The following KAZN variants were observed in gnomAD, a reference collection of about 807,000 sequenced individuals.
KAZN encodes kazrin.
A neutral mutation model predicts 87.4 loss-of-function variants in KAZN; 40 were observed. The observed-to-expected ratio is 0.46, with a 90% confidence interval of 0.36 to 0.60. The LOEUF is 0.60. Ranked by LOEUF, KAZN falls within the 20% of genes least tolerant of loss-of-function variation. KAZN has a pLI of 0.00. For missense variants in KAZN, 898 were observed against 1,073.9 expected (o/e 0.84, Z 2.29); for synonymous variants, 466 against 458.3 (o/e 1.02, Z -0.22).
intron 2 of KAZN, among the ~76,000 whole-genome samples, chr1:14,464,043 A>T (rs971868201): frequency 2.6e-5 from 4 of 152,200 alleles, no homozygotes; most frequent in Non-Finnish European, 5.9e-5. Flanking sequence ...TTCTGTCTTG[A>T]CCAAGTAGTG....
intron 1 of KAZN, among the ~76,000 whole-genome samples, chr1:13,996,214 G>T (rs1267870993): frequency 6.6e-6 from 1 of 152,162 alleles, no homozygotes; most frequent in Admixed American, 6.5e-5. Flanking sequence ...TCACAGATCG[G>T]AAGATCCCAC....
intron 2 of KAZN, among the ~76,000 whole-genome samples, chr1:14,977,591 G>A (rs10803331): frequency 0.37 from 56,355 of 152,198 alleles, 11,988 homozygotes; most frequent in African/African-American, 0.59. Flanking sequence ...TGTGCCTGCC[G>A]AGGTTGGCAA....
chr1:13,980,288 T>C (rs1272041753), intron 1 of KAZN, among the ~76,000 whole-genome samples: 1 of 152,148 alleles, frequency 6.6e-6, no homozygotes, highest in Non-Finnish European at 1.5e-5. Context: ...TTTCAATACA[T>C]TAAGAATTAC....
intron 2 of KAZN, among the ~76,000 whole-genome samples, chr1:14,317,661 C>T (rs1655750919): frequency 6.6e-6 from 1 of 151,378 alleles, no homozygotes; most frequent in African/African-American, 2.4e-5. Flanking sequence ...TCTTTTTCTC[C>T]ATCTTCATTA....
chr1:14,964,064 C>T (rs1461465969), intron 2 of KAZN, among the ~76,000 whole-genome samples: 1 of 152,150 alleles, frequency 6.6e-6, no homozygotes, highest in East Asian at 1.9e-4. Flanking sequence ...CAAGTCTTTG[C>T]TATTGTAAAT....
chr1:14,049,547 A>AAT (rs1320643934), intron 1 of KAZN, among the ~76,000 whole-genome samples: 1 of 152,176 alleles, frequency 6.6e-6, no homozygotes, highest in African/African-American at 2.4e-5. Context: ...AACAACCAGT[A>AAT]ATAATAGGTC....
chr1:15,110,882 C>A (rs564628835), intron 13 of KAZN, among the ~76,000 whole-genome samples: 1 of 152,326 alleles, frequency 6.6e-6, no homozygotes, highest in African/African-American at 2.4e-5. Context: ...CTGAGGCTCT[C>A]CCAGGCTTAT....
At chr1:14,725,779 G>A (rs927623208) in intron 1 of KAZN, among the ~76,000 whole-genome samples, 9 of 152,080 alleles carry the variant, frequency 5.9e-5, no homozygotes, top group African/African-American at 1.9e-4. Context: ...AAGCCACCTG[G>A]GGATCTTGTG....
At chr1:14,883,397 A>G (rs1009534848) in intron 1 of KAZN, among the ~76,000 whole-genome samples, 5 of 142,904 alleles carry the variant, frequency 3.5e-5, no homozygotes, top group Non-Finnish European at 6.0e-5. Context: ...GAAAGAAAGA[A>G]AGAAAGAAAG....
intron 1 of KAZN, among the ~76,000 whole-genome samples, chr1:14,803,759 C>T (rs1646116450): frequency 6.6e-6 from 1 of 152,250 alleles, no homozygotes; most frequent in Non-Finnish European, 1.5e-5. Context: ...TCACCCTCCC[C>T]TTCTCCACGG....
chr1:14,446,032 A>G (rs1298213779), intron 2 of KAZN, among the ~76,000 whole-genome samples: 1 of 151,694 alleles, frequency 6.6e-6, no homozygotes, highest in Admixed American at 6.6e-5. Flanking sequence ...CTCTACAAAA[A>G]AAAAAAAAAT....
At chr1:14,214,596 G>A (rs1646921138) in intron 2 of KAZN, among the ~76,000 whole-genome samples, 1 of 151,976 alleles carries the variant, frequency 6.6e-6, no homozygotes, top group African/African-American at 2.4e-5. Flanking sequence ...GAAAATAGTA[G>A]AATTATCTAA....
At chr1:13,936,100 T>TTTTTTTTTTTG (rs1336784268) in intron 1 of KAZN, among the ~76,000 whole-genome samples, 3 of 134,348 alleles carry the variant, frequency 2.2e-5, no homozygotes, top group Middle Eastern at 3.5e-3. Context: ...AGTGCAGTTT[T>TTTTTTTTTTTG]TTTTTTTTTT....
chr1:14,372,233 T>C (rs1660548350), intron 2 of KAZN, among the ~76,000 whole-genome samples: 2 of 152,236 alleles, frequency 1.3e-5, no homozygotes, highest in African/African-American at 2.4e-5. Flanking sequence ...ATAGCTATAG[T>C]GTGGTTGAAT....
intron 2 of KAZN, among the ~76,000 whole-genome samples, chr1:14,963,437 C>T (rs1664114251): frequency 6.6e-6 from 1 of 152,190 alleles, no homozygotes; most frequent in South Asian, 2.1e-4. Context: ...TTTCCCACTG[C>T]ACAGACACGC....
rs146333375 is a variant in KAZN, at chr1:15,024,129, G to A, written c.419-10620G>A. Reference sequence around the variant, plus strand: ...GTTCAGGGATGAGGTCCAGGCTGAAGCCTGTGGTTGGACTGAAGCCACCAA... The same window carrying A: ...GTTCAGGGATGAGGTCCAGGCTGAAACCTGTGGTTGGACTGAAGCCACCAA... On this transcript the variant is annotated intron_variant, in intron 2 of 14. Coordinates refer to ENST00000376030, the MANE Select transcript of KAZN (RefSeq NM_201628.3). Among the ~76,000 whole-genome samples the A allele has an allele frequency of 4.6e-3, 699 of 152,258 alleles. 4 individuals are homozygous for A. The highest frequency in any genetic ancestry group is 0.016 in the African/African-American group (657 of 41,542).
chr1:14,837,742 T>A (rs1647440590), intron 1 of KAZN, among the ~76,000 whole-genome samples: 1 of 151,192 alleles, frequency 6.6e-6, no homozygotes, highest in African/African-American at 2.4e-5. Context: ...TATTATTATT[T>A]TTAGAGACAA....
chr1:14,590,774 C>G (rs1375372906), intron 2 of KAZN, among the ~76,000 whole-genome samples: 1 of 152,166 alleles, frequency 6.6e-6, no homozygotes, highest in Non-Finnish European at 1.5e-5. Context: ...AGATGGTTTC[C>G]AATGCATCAT....
At chr1:14,788,470 C>T (rs1364645937) in intron 1 of KAZN, among the ~76,000 whole-genome samples, 1 of 144,522 alleles carries the variant, frequency 6.9e-6, no homozygotes, top group African/African-American at 2.9e-5. Context: ...GGGGAGGCAG[C>T]CTTCAAGAAT....
Sources: allele counts gnomAD v4.1 joint callset (sites outside exome capture counted in the v4.1 genomes callset), GRCh38; gene constraint gnomAD v4.1.1; transcripts MANE v1.5; gene names NCBI Gene and HGNC (gene_info 2026-07-23, HGNC 2026-07-21).